The following GAA variants were observed in gnomAD, a reference collection of about 807,000 sequenced individuals.
GAA encodes the protein lysosomal alpha-glucosidase.
GAA carries 88 observed loss-of-function variants against 103.9 expected under a neutral mutation model. That is an observed-to-expected ratio of 0.85 (90% CI 0.71 to 1.01). GAA has a LOEUF of 1.01. Among genes scored for constraint, GAA ranks in the 50% least tolerant of loss-of-function variants. GAA has a pLI of 0.00. For synonymous variants in GAA, 572 were observed against 563.1 expected, an observed-to-expected ratio of 1.02 and a Z score of -0.22; for missense variants, 1,350 against 1,305.3, an observed-to-expected ratio of 1.03 and a Z score of -0.53.
At chr17:80,115,896 G>A (rs745717109) in intron 15 of GAA, among the ~76,000 whole-genome samples, 6 of 152,212 alleles carry the variant, frequency 3.9e-5, no homozygotes, top group East Asian at 1.9e-4. Flanking sequence ...TTGCTGGGGC[G>A]AGGTGGGGAG....
Position 80,118,392 on chromosome 17 carries a change from G to A in GAA, c.2646+35G>A, listed in dbSNP as rs1431091604. 10 of 1,555,580 alleles carry A rather than the reference G, an allele frequency of 6.4e-6. No homozygotes were observed. In the Admixed American group the frequency reaches 1.3e-4, roughly 20 times the overall value. On this transcript the variant is annotated intron_variant, in intron 18 of 19. Coordinates refer to ENST00000302262, the MANE Select transcript of GAA (RefSeq NM_000152.5). ...GGGGCTGCTCAGGCTGGTGGGCAGG[G>A]GCCGGCTCGGGGTTGAGAAGGGGTG...
At chr17:80,119,161 G>A (rs1268740046) in intron 19 of GAA, 111 bp from the exon 20 acceptor site, 12 of 1,094,902 alleles carry the variant, frequency 1.1e-5, no homozygotes, top group Middle Eastern at 2.2e-4. Flanking sequence ...CCTGAGCGCC[G>A]GGCCTCGCTG....
Sources: allele counts gnomAD v4.1 joint callset (sites outside exome capture counted in the v4.1 genomes callset), GRCh38; gene constraint gnomAD v4.1.1; transcripts MANE v1.5; gene names NCBI Gene and HGNC (gene_info 2026-07-23, HGNC 2026-07-21).